Variants in LRIG1 observed in about 807,000 individuals in gnomAD.
The protein encoded by LRIG1 is leucine rich repeats and immunoglobulin like domains 1.
LRIG1 carries 48 observed loss-of-function variants against 99.2 expected under a neutral mutation model. The observed-to-expected ratio is 0.48, with a 90% CI of 0.38 to 0.62. The LOEUF is 0.62. Among genes scored for constraint, LRIG1 ranks in the 20% least tolerant of loss-of-function variants. The pLI, the probability that LRIG1 is intolerant of heterozygous loss-of-function variation, is 0.00. For missense variants in LRIG1, 1,646 were observed against 1,434.4 expected, an observed-to-expected ratio of 1.15 and a Z score of -2.38; for synonymous variants, 772 against 596.1, an observed-to-expected ratio of 1.29 and a Z score of -4.30.
chr3:66,425,938 A>T (rs1702968925), intron 3 of LRIG1, among the ~76,000 whole-genome samples: 1 of 152,256 alleles, frequency 6.6e-6, no homozygotes, highest in Non-Finnish European at 1.5e-5. Context: ...ACAGTGAAAC[A>T]GATGGAGGCA....
intron 1 of LRIG1, among the ~76,000 whole-genome samples, chr3:66,479,250 TC>T (rs1429139303): frequency 6.6e-6 from 1 of 152,232 alleles, no homozygotes; most frequent in African/African-American, 2.4e-5. Flanking sequence ...GTCAGGCTCT[TC>T]CATAAATGCA....
At chr3:66,398,535 C>T (rs1701939879) in intron 10 of LRIG1, among the ~76,000 whole-genome samples, 2 of 152,232 alleles carry the variant, frequency 1.3e-5, no homozygotes, top group African/African-American at 2.4e-5. Context: ...GCTCTGTTCC[C>T]TTCCTCCCAG....
chr3:66,454,991 C>T (rs568759800), intron 2 of LRIG1, among the ~76,000 whole-genome samples: 1 of 152,352 alleles, frequency 6.6e-6, no homozygotes, highest in East Asian at 1.9e-4. Flanking sequence ...GTGGCCCAGG[C>T]TGGAGTACAT....
intron 1 of LRIG1, among the ~76,000 whole-genome samples, chr3:66,464,099 CT>C (rs1700416810): frequency 1.3e-5 from 2 of 152,174 alleles, no homozygotes; most frequent in African/African-American, 4.8e-5. Context: ...TGAGAGAATT[CT>C]CCCACATTAG....
intron 2 of LRIG1, among the ~76,000 whole-genome samples, chr3:66,453,590 T>A (rs979558404): frequency 6.6e-6 from 1 of 152,192 alleles, no homozygotes; most frequent in Non-Finnish European, 1.5e-5. Flanking sequence ...TTGAATCAGG[T>A]ACCAGGTTAA....
At chr3:66,420,237 C>T (rs1702758920) in intron 3 of LRIG1, among the ~76,000 whole-genome samples, 1 of 152,134 alleles carries the variant, frequency 6.6e-6, no homozygotes, top group Non-Finnish European at 1.5e-5. Flanking sequence ...ACCACAACCA[C>T]AATGAGAAGT....
chr3:66,487,485 C>G (rs1025106002), intron 1 of LRIG1, among the ~76,000 whole-genome samples: 7 of 152,136 alleles, frequency 4.6e-5, no homozygotes, highest in African/African-American at 1.7e-4. Context: ...GTACCAAGCT[C>G]CAAGACAAAG....
At chr3:66,452,866 G>A (rs1703951347) in intron 2 of LRIG1, among the ~76,000 whole-genome samples, 1 of 152,198 alleles carries the variant, frequency 6.6e-6, no homozygotes, top group South Asian at 2.1e-4. Flanking sequence ...TGTTTCAATA[G>A]CTTCATGGCT....
intron 13 of LRIG1, 132 bp downstream of exon 13, chr3:66,385,849 T>A: frequency 1.2e-6 from 1 of 839,096 alleles, no homozygotes; most frequent in South Asian, 1.7e-5. Flanking sequence ...CAGGCAACAA[T>A]AGGATTTAAC....
At chr3:66,485,199 T>C (rs960744107) in intron 1 of LRIG1, among the ~76,000 whole-genome samples, 4 of 150,596 alleles carry the variant, frequency 2.7e-5, no homozygotes, top group Non-Finnish European at 4.4e-5. Context: ...AAATTATTGA[T>C]AAATTCCACC....
intron 1 of LRIG1, among the ~76,000 whole-genome samples, chr3:66,481,231 G>A (rs1238637054): frequency 6.6e-6 from 1 of 152,194 alleles, no homozygotes; most frequent in African/African-American, 2.4e-5. Flanking sequence ...CAACATCAAA[G>A]AGATTCCAGT....
At chr3:66,493,947 G>GAGAA (rs1051613451) in intron 1 of LRIG1, among the ~76,000 whole-genome samples, 5 of 139,280 alleles carry the variant, frequency 3.6e-5, no homozygotes, top group Admixed American at 7.6e-5. Flanking sequence ...AAAGAAAACA[G>GAGAA]AGAAAGAAAG....
intron 6 of LRIG1, among the ~76,000 whole-genome samples, chr3:66,412,227 A>C (rs1166361176): frequency 6.6e-6 from 1 of 152,210 alleles, no homozygotes; most frequent in Non-Finnish European, 1.5e-5. Flanking sequence ...AAACCTCCTA[A>C]GATGAGCTCT....
At chr3:66,392,004 A>G (rs938088477) in intron 12 of LRIG1, among the ~76,000 whole-genome samples, 5 of 152,056 alleles carry the variant, frequency 3.3e-5, no homozygotes, top group Admixed American at 6.5e-5. Context: ...CCTAATCTCT[A>G]CCTCCACAGA....
rs73833499 is a variant in LRIG1 at position 66,460,071 on chromosome 3, T to C, written c.290+2367A>G. Among the ~76,000 whole-genome samples the C allele has an allele frequency of 5.1e-3, 770 of 152,270 alleles. 4 individuals are homozygous for C. The highest frequency in any genetic ancestry group is 0.023 in the East Asian group (117 of 5,176). Reference sequence around the variant, plus strand: ...TGAGTCTTTGGTGTCCCCATAAATTTTGCGCCTGTGTTGGGTGCCTCACTT... The same window carrying C: ...TGAGTCTTTGGTGTCCCCATAAATTCTGCGCCTGTGTTGGGTGCCTCACTT... On this transcript the variant is annotated intron_variant, in intron 2 of 18. Transcript: ENST00000273261.
intron 6 of LRIG1, 95 bp downstream of exon 6, chr3:66,412,776 T>A (rs1702510222): frequency 1.4e-6 from 2 of 1,431,268 alleles, no homozygotes; most frequent in East Asian, 2.4e-5. Flanking sequence ...AACGTTGGTG[T>A]TGGTGCGCAC....
chr3:66,414,574 T>A (rs1378164166), intron 5 of LRIG1, among the ~76,000 whole-genome samples: 1 of 151,990 alleles, frequency 6.6e-6, no homozygotes, highest in Non-Finnish European at 1.5e-5. Flanking sequence ...TTTACGGGTA[T>A]CTTAAAAAAA....
intron 13 of LRIG1, 105 bp downstream of exon 13, chr3:66,385,876 A>G (rs373042120): frequency 1.9e-6 from 2 of 1,044,724 alleles, no homozygotes; most frequent in Non-Finnish European, 2.9e-6. Flanking sequence ...CCACAGAAGC[A>G]TGTGTGTGTC....
At position 66,448,991 on chromosome 3, in the gene LRIG1, A is replaced by G. The variant is rs565082167; in HGVS notation, c.365+2568T>C. 1.5e-3 allele frequency among the ~76,000 whole-genome samples: 228 copies of G among 152,356 alleles called. 2 individuals carry two copies. The highest frequency in any genetic ancestry group is 2.8e-3 in the Non-Finnish European group (193 of 68,040). ...ACTAGTTCCGAAAAGTAAGAGACACATCAGCAAAACCTGCTGTTCAAAACC... is the reference window on the plus strand; with the variant it reads ...ACTAGTTCCGAAAAGTAAGAGACACGTCAGCAAAACCTGCTGTTCAAAACC... On this transcript the variant is annotated intron_variant, in intron 3 of 18. Transcript: ENST00000273261.
Sources: allele counts gnomAD v4.1 joint callset (sites outside exome capture counted in the v4.1 genomes callset), GRCh38; gene constraint gnomAD v4.1.1; transcripts MANE v1.5; gene names NCBI Gene and HGNC (gene_info 2026-07-23, HGNC 2026-07-21).